ADGRB1: variants seen among roughly 807,000 people sequenced by gnomAD.
The protein encoded by ADGRB1 is adhesion G protein-coupled receptor B1, also known as brain-specific angiogenesis inhibitor 1.
Under a neutral mutation model 175.7 loss-of-function variants are expected in ADGRB1, and 36 were observed. That is an observed-to-expected ratio of 0.20 (90% CI 0.16 to 0.27). ADGRB1 has a LOEUF of 0.27. ADGRB1 is among the 10% of genes least tolerant of loss of function. The pLI, the probability that ADGRB1 is intolerant of heterozygous loss-of-function variation, is 1.00. For synonymous variants in ADGRB1, 1,054 were observed against 979.4 expected (o/e 1.08, Z -1.42); for missense variants, 1,731 against 2,255.3 (o/e 0.77, Z 4.71).
intron 17 of ADGRB1, among the ~76,000 whole-genome samples, chr8:142,501,978 GGGT>G (rs36232460): frequency 0.62 from 77,597 of 125,058 alleles, 26,463 homozygotes; most frequent in East Asian, 0.78. Context: ...GATGGAGGTA[GGGT>G]GGTGGTGGTG....
chr8:142,506,018 AGTGGCGCCTGTGGGCGCCT>A (rs1842833744), intron 17 of ADGRB1, among the ~76,000 whole-genome samples: 1 of 152,154 alleles, frequency 6.6e-6, no homozygotes, highest in African/African-American at 2.4e-5. Context: ...GCCCTACCTT[AGTGGCGCCTGTGGGCGCCT>A]GTGGGACTGT....
At chr8:142,501,425 T>C (rs1429765358) in intron 17 of ADGRB1, among the ~76,000 whole-genome samples, 1 of 104,720 alleles carries the variant, frequency 9.5e-6, no homozygotes, top group Admixed American at 9.2e-5. Context: ...GATGATGGGG[T>C]GGTGGTAGTG....
At chr8:142,454,822 G>A (rs546933266) in intron 1 of ADGRB1, among the ~76,000 whole-genome samples, 2 of 152,068 alleles carry the variant, frequency 1.3e-5, no homozygotes, top group South Asian at 2.1e-4. Flanking sequence ...TGTTAATTGA[G>A]GAAGCAACAA....
chr8:142,465,131 G>C (rs867257042), intron 2 of ADGRB1, 149 bp downstream of exon 2: 61 of 1,008,610 alleles, frequency 6.0e-5, no homozygotes, highest in Middle Eastern at 3.3e-4. Context: ...GGTGGACCGG[G>C]GTCTTCTTCC....
At position 142,543,055 on chromosome 8, in the gene ADGRB1, A is replaced by G. The variant is rs1417008094; in HGVS notation, c.4414-348A>G. On this transcript the variant is annotated intron_variant, in intron 28 of 30. Coordinates refer to ENST00000517894, the MANE Select transcript of ADGRB1 (RefSeq NM_001702.3). The surrounding 1 kb of genome is among the most constrained non-coding windows in gnomAD (Gnocchi z 4.4). The stretch of plus-strand genomic sequence containing the variant: ...GCCCGTCCCCACAGGATATGCTCCC[A>G]CCATATCCTGGCTCCTGGCCTCTGG... 1.3e-5 allele frequency among the ~76,000 whole-genome samples: 2 copies of G among 152,164 alleles called. No individual in the cohort carries two copies. The highest frequency in any genetic ancestry group is 3.9e-4 in the East Asian group (2 of 5,194).
chr8:142,529,280 ATG>A (rs1366257222), intron 24 of ADGRB1, among the ~76,000 whole-genome samples: 6 of 151,768 alleles, frequency 4.0e-5, no homozygotes, highest in Non-Finnish European at 8.8e-5. Context: ...GAGTGTGCAT[ATG>A]TGAGTGTACA....
At chr8:142,516,232 T>C (rs1843412962) in intron 18 of ADGRB1, among the ~76,000 whole-genome samples, 5 of 138,632 alleles carry the variant, frequency 3.6e-5, no homozygotes, top group Admixed American at 7.2e-5. Flanking sequence ...CCCAGGTGTG[T>C]GTGTGCGTGT....
In ADGRB1 at chr8:142,536,971, G is replaced by A. The variant is rs770336231; in HGVS notation, c.3571-16G>A. The A allele has an allele frequency of 1.0e-5, 16 of 1,569,732 alleles. No homozygotes were observed. The highest frequency in any genetic ancestry group is 1.3e-5 in the Non-Finnish European group (15 of 1,159,116). On this transcript the variant is annotated splice_polypyrimidine_tract_variant and intron_variant, in intron 25 of 30. Transcript: ENST00000517894. ...GGGCGTGGCTGCCACTGAGGTGCTC[G>A]GCTCTCCCTCCCCAGGTCCAGGACG... is the stretch of plus-strand genomic sequence containing the variant.
At chr8:142,500,281 A>C (rs562083437) in intron 17 of ADGRB1, among the ~76,000 whole-genome samples, 1,848 of 7,576 alleles carry the variant, frequency 0.24, 335 homozygotes, top group Middle Eastern at 0.36. Flanking sequence ...CCGCTCCTCC[A>C]CCTCCCCACG....
intron 2 of ADGRB1, among the ~76,000 whole-genome samples, chr8:142,469,560 T>C (rs548398892): frequency 6.7e-6 from 1 of 149,590 alleles, no homozygotes; most frequent in East Asian, 2.0e-4. Flanking sequence ...TGCATGTGTG[T>C]GAATGTGTGT....
chr8:142,541,073 T>G, intron 27 of ADGRB1, among the ~76,000 whole-genome samples: 1 of 151,916 alleles, frequency 6.6e-6, no homozygotes, highest in East Asian at 1.9e-4. Context: ...GGTAACCATC[T>G]GCCAGCCTGC....
intron 17 of ADGRB1, among the ~76,000 whole-genome samples, chr8:142,495,995 A>G (rs1292867262): frequency 6.7e-6 from 1 of 149,626 alleles, no homozygotes; most frequent in East Asian, 2.0e-4. Flanking sequence ...GGATGTGTAA[A>G]TGGTAGATAG....
Position 142,537,025 on chromosome 8 carries a change from G to A in ADGRB1, c.3609G>A (p.Gln1203=). ...TGAAATGCCGTGTGGTTGACCGGCA[G>A]GAGGAGGGCAACGGGGACTCAGGGG... ...DAVKCRVVDR[Q]EEGNGDSGGS... Residue 1203 remains glutamine (Q), a synonymous_variant, in exon 26 of 31, where the codon CAG becomes CAA. Transcript: ENST00000517894. This position sits in a 1 kb window ranked among gnomAD's most constrained non-coding sequence, Gnocchi z 4.6. 1.9e-6 allele frequency: 3 copies of A among 1,592,390 alleles called. No individual in the cohort carries two copies. Among genetic ancestry groups the A allele is most frequent in the South Asian group, 1.1e-5 (1 of 87,864 alleles).
At chr8:142,481,122 G>A (rs538472928) in intron 9 of ADGRB1, 132 bp from the exon 10 acceptor site, 36 of 764,456 alleles carry the variant, frequency 4.7e-5, no homozygotes, top group Admixed American at 6.4e-5. Flanking sequence ...TGCTCTCGGC[G>A]TGAGGCCATG....
chr8:142,473,617 C>T (rs760696589), intron 2 of ADGRB1, among the ~76,000 whole-genome samples: 1 of 152,248 alleles, frequency 6.6e-6, no homozygotes, highest in East Asian at 1.9e-4. Context: ...TGGCATGGCA[C>T]GGGCTAAGCA....
At chr8:142,500,703 G>C (rs1005237466) in intron 17 of ADGRB1, among the ~76,000 whole-genome samples, 5 of 152,104 alleles carry the variant, frequency 3.3e-5, no homozygotes, top group Non-Finnish European at 4.4e-5. Flanking sequence ...TGAAGGATGT[G>C]GGAAGGCAGG....
chr8:142,516,852 T>C (rs1843477969), intron 18 of ADGRB1, among the ~76,000 whole-genome samples: 1 of 152,116 alleles, frequency 6.6e-6, no homozygotes, highest in African/African-American at 2.4e-5. Flanking sequence ...GTTGGGAAGT[T>C]GCTCGGGGTG....
rs1025867451 is a variant in ADGRB1, at chr8:142,493,633, C to T, written c.2675+2818C>T. Among the ~76,000 whole-genome samples, 6 of 152,236 alleles carry T rather than the reference C, an allele frequency of 3.9e-5. No individual in the cohort carries two copies. Among genetic ancestry groups the T allele is most frequent in the Non-Finnish European group, 7.3e-5 (5 of 68,036 alleles). ...TGCCTCTTGGGTCCTTGACCCTGCC[C>T]GGCAGCCAGGCCACGCTGCACACCT... On this transcript the variant is annotated intron_variant, in intron 17 of 30. Coordinates refer to ENST00000517894, the MANE Select transcript of ADGRB1 (RefSeq NM_001702.3). The surrounding 1 kb of genome is among the most constrained non-coding windows in gnomAD (Gnocchi z 5.0).
intron 17 of ADGRB1, among the ~76,000 whole-genome samples, chr8:142,500,483 G>T (rs1842466983): frequency 6.6e-6 from 1 of 150,466 alleles, no homozygotes. Flanking sequence ...GGGGGCGAGG[G>T]CATGTGGAGG....
Sources: gnomAD v4.1 joint callset for allele counts (sites outside exome capture counted in the v4.1 genomes callset) on GRCh38, gnomAD v4.1.1 for gene constraint, Gnocchi (gnomAD v3.1) non-coding constraint, MANE v1.5 for transcripts, NCBI Gene and HGNC (gene_info 2026-07-23, HGNC 2026-07-21) for gene names.